Variants in GALK2 observed in about 807,000 individuals in gnomAD.
The protein encoded by GALK2 is N-acetylgalactosamine kinase.
Under a neutral mutation model 52.4 loss-of-function variants are expected in GALK2, and 36 were observed. The ratio of observed to expected loss-of-function variants is 0.69; its 90% CI spans 0.53 to 0.91. GALK2 has a LOEUF of 0.91. Among genes scored for constraint, GALK2 ranks in the 40% least tolerant of loss-of-function variants. The pLI is 0.00. For synonymous variants in GALK2, 176 were observed against 199.1 expected (o/e 0.88, Z 0.98); for missense variants, 579 against 559.1 (o/e 1.04, Z -0.36).
chr15:49,188,517 G>T (rs2086517462), intron 1 of GALK2, among the ~76,000 whole-genome samples: 1 of 152,230 alleles, frequency 6.6e-6, no homozygotes, highest in African/African-American at 2.4e-5. Flanking sequence ...GAGAGTGGTG[G>T]TGTCAATGAT....
intron 8 of GALK2, among the ~76,000 whole-genome samples, chr15:49,301,971 G>A (rs879905221): frequency 6.6e-5 from 10 of 152,268 alleles, no homozygotes; most frequent in Admixed American, 6.5e-4. Flanking sequence ...TAGTTCCCAC[G>A]TGACCATTTA....
chr15:49,367,489 A>C lies in GALK2; in HGVS notation c.427-2A>C. 6.2e-7 allele frequency: 1 copy of C among 1,602,454 alleles called. No individual in the cohort carries two copies. Among genetic ancestry groups the C allele is most frequent in the Non-Finnish European group, 8.5e-7 (1 of 1,177,374 alleles). On this transcript the variant is annotated splice_acceptor_variant, in intron 3 of 3. Transcript: ENST00000558399. LOFTEE classifies it high-confidence loss of function. ...TAGTGAGTTTAATCTTGGTTTTCTT[A>C]GGTGCTTTGGAAATACCAGCCAGCT...
intron 5 of GALK2, among the ~76,000 whole-genome samples, chr15:49,249,876 G>A (rs911587419): frequency 6.6e-6 from 1 of 152,160 alleles, no homozygotes; most frequent in African/African-American, 2.4e-5. Context: ...CTTATTTGGA[G>A]GTGTTTTTAC....
At chr15:49,156,125 G>T in intron 1 of GALK2, 1 of 1,084,088 alleles carries the variant, frequency 9.2e-7, no homozygotes, top group Middle Eastern at 2.0e-4. Context: ...CTTAATGCTT[G>T]TTATATTTGT....
chr15:49,366,463 G>A (rs1315474233), intron 3 of GALK2: 1 of 1,014,634 alleles, frequency 9.9e-7, no homozygotes, highest in African/African-American at 1.6e-5. Flanking sequence ...CATCAGAAAG[G>A]TTGCATAGTG....
intron 1 of GALK2, among the ~76,000 whole-genome samples, chr15:49,171,996 C>T (rs945277404): frequency 1.4e-4 from 22 of 152,154 alleles, no homozygotes; most frequent in African/African-American, 5.3e-4. Flanking sequence ...TGGTCTCCAA[C>T]TTGTGACCTC....
intron 5 of GALK2, among the ~76,000 whole-genome samples, chr15:49,272,911 G>A (rs1388053284): frequency 6.6e-6 from 1 of 152,194 alleles, no homozygotes; most frequent in Non-Finnish European, 1.5e-5. Context: ...GTTAGGTTAA[G>A]GAAGTGGTCT....
Position 49,329,151 on chromosome 15 carries a change from C to A in GALK2, c.*992C>A. ...TGTATATATGCACCCCATTGTAAAG[C>A]AGGTATGCAGGTATGTGGGTGAAAG... On this transcript the variant is annotated 3_prime_UTR_variant, in exon 10 of 10. Coordinates refer to ENST00000560031, the MANE Select transcript of GALK2 (RefSeq NM_002044.4). 1 of 987,752 alleles carries A rather than the reference C, an allele frequency of 1.0e-6. No homozygotes were observed. The highest frequency in any genetic ancestry group is 1.2e-6 in the Non-Finnish European group (1 of 831,502). 61.2% of individuals were successfully genotyped at this position (987,752 alleles called of 1,614,324 possible).
chr15:49,321,920 C>T (rs977562188), intron 9 of GALK2, among the ~76,000 whole-genome samples: 4 of 152,096 alleles, frequency 2.6e-5, no homozygotes, highest in African/African-American at 9.7e-5. Context: ...TGAGCAGGAA[C>T]GTAATGTGTA....
intron 3 of GALK2, among the ~76,000 whole-genome samples, chr15:49,354,404 C>T (rs943781137): frequency 2.0e-4 from 30 of 152,274 alleles, no homozygotes; most frequent in East Asian, 1.4e-3. Context: ...GTGCGTGAGC[C>T]GAAGCAGGGC....
intron 1 of GALK2, among the ~76,000 whole-genome samples, chr15:49,187,760 C>A (rs1251603226): frequency 6.6e-6 from 1 of 152,074 alleles, no homozygotes; most frequent in Non-Finnish European, 1.5e-5. Context: ...TGCCTGGCTC[C>A]CACTGTTTAC....
intron 3 of GALK2, among the ~76,000 whole-genome samples, chr15:49,228,022 T>A (rs1021595600): frequency 2.0e-5 from 3 of 152,184 alleles, no homozygotes. Flanking sequence ...TCTTTTTCTA[T>A]CTACACTTTG....
chr15:49,314,031 C>T (rs930272256), intron 8 of GALK2, among the ~76,000 whole-genome samples: 5 of 152,172 alleles, frequency 3.3e-5, no homozygotes, highest in African/African-American at 7.2e-5. Flanking sequence ...CTTAAAGTGG[C>T]GCTCAGTGTG....
intron 8 of GALK2, among the ~76,000 whole-genome samples, chr15:49,300,137 A>G (rs1007945504): frequency 2.0e-5 from 3 of 152,204 alleles, no homozygotes; most frequent in Middle Eastern, 3.4e-3. Context: ...GGGTGAATAT[A>G]TATTTAGGAC....
In GALK2 at chr15:49,328,727, T is replaced by C; in HGVS notation, c.*568T>C. 5 of 1,521,328 alleles carry C rather than the reference T, an allele frequency of 3.3e-6. No individual in the cohort carries two copies. Among genetic ancestry groups the C allele is most frequent in the Non-Finnish European group, 4.4e-6 (5 of 1,129,624 alleles). 94.2% of individuals were successfully genotyped at this position (1,521,328 alleles called of 1,614,324 possible). On this transcript the variant is annotated 3_prime_UTR_variant, in exon 10 of 10. Transcript: ENST00000560031. ...TTCACAGATCTTCTTGGACATTGTATAATTGAATTTGAATGTGAGATTTCT... is the reference window on the plus strand; with the variant it reads ...TTCACAGATCTTCTTGGACATTGTACAATTGAATTTGAATGTGAGATTTCT...
At chr15:49,282,193 A>G in intron 6 of GALK2, 108 bp downstream of exon 6, 2 of 683,370 alleles carry the variant, frequency 2.9e-6, no homozygotes, top group Admixed American at 2.7e-5. Context: ...ACAGCCTACT[A>G]TATTAGGCTC....
intron 3 of GALK2, among the ~76,000 whole-genome samples, chr15:49,351,059 C>T (rs1254103082): frequency 1.3e-5 from 2 of 152,202 alleles, no homozygotes; most frequent in African/African-American, 4.8e-5. Context: ...GTGGTTTGAG[C>T]TCTACAATCA....
At position 49,328,035 on chromosome 15, in the gene GALK2, C is replaced by T; in HGVS notation, c.1253C>T (p.Pro418Leu). The T allele has an allele frequency of 6.2e-7, 1 of 1,613,976 alleles. No individual in the cohort carries two copies. Among genetic ancestry groups the T allele is most frequent in the Non-Finnish European group, 8.5e-7 (1 of 1,179,900 alleles). Residue 418 changes from proline to leucine, a missense_variant, in exon 10 of 10, where the codon CCC (proline) becomes CTC (leucine). Transcript: ENST00000560031. ...TCAATGGTACCTGCGGACAAGCTGC[C>T]CAGCTTTCTAGCAAATGTGCACAAA... The part of the protein sequence containing the change: ...TVSMVPADKL[P>L]SFLANVHKAY...
chr15:49,203,056 A>T (rs1372206324), intron 2 of GALK2, among the ~76,000 whole-genome samples: 1 of 151,344 alleles, frequency 6.6e-6, no homozygotes, highest in Non-Finnish European at 1.5e-5. Flanking sequence ...TATTTTATTA[A>T]TTTATTTATT....
Sources: gnomAD v4.1 joint callset for allele counts (sites outside exome capture counted in the v4.1 genomes callset) on GRCh38, gnomAD v4.1.1 for gene constraint, MANE v1.5 for transcripts, NCBI Gene and HGNC (gene_info 2026-07-23, HGNC 2026-07-21) for gene names.